The following DOK6 variants were observed in gnomAD, a reference collection of about 807,000 sequenced individuals.
The protein encoded by DOK6 is docking protein 6.
Under a neutral mutation model 44.0 loss-of-function variants are expected in DOK6, and 22 were observed. That is an observed-to-expected ratio of 0.50 (90% CI 0.36 to 0.71). The LOEUF is 0.71. Ranked by LOEUF, DOK6 falls within the 30% of genes least tolerant of loss-of-function variation. DOK6 has a pLI of 0.00. For missense variants in DOK6, 340 were observed against 416.4 expected, an observed-to-expected ratio of 0.82 and a Z score of 1.60; for synonymous variants, 166 against 145.5, an observed-to-expected ratio of 1.14 and a Z score of -1.01.
chr18:69,617,403 T>C (rs1346486065), intron 3 of DOK6, among the ~76,000 whole-genome samples: 2 of 127,248 alleles, frequency 1.6e-5, no homozygotes, highest in African/African-American at 3.0e-5. Flanking sequence ...GAGAAAAGAC[T>C]GAGCGATAGG....
At chr18:69,539,351 G>C (rs1350449527) in intron 1 of DOK6, among the ~76,000 whole-genome samples, 2 of 151,936 alleles carry the variant, frequency 1.3e-5, no homozygotes, top group African/African-American at 4.8e-5. Context: ...CCTGAATTCT[G>C]TAGTGGAAAC....
intron 7 of DOK6, among the ~76,000 whole-genome samples, chr18:69,823,768 G>T (rs1981647416): frequency 6.6e-6 from 1 of 151,886 alleles, no homozygotes; most frequent in Non-Finnish European, 1.5e-5. Context: ...GCTCCCCTGA[G>T]ACCCGTTTGA....
chr18:69,677,370 G>GTA (rs10659444), intron 3 of DOK6, among the ~76,000 whole-genome samples: 17,216 of 149,128 alleles, frequency 0.12, 1,215 homozygotes, highest in South Asian at 0.23. Flanking sequence ...ATATGTGTGT[G>GTA]TATATATATA....
chr18:69,503,429 G>A (rs1454570775), intron 1 of DOK6, among the ~76,000 whole-genome samples: 1 of 151,964 alleles, frequency 6.6e-6, no homozygotes, highest in East Asian at 1.9e-4. Flanking sequence ...AGATTGAGGA[G>A]GAAATAAGAA....
At chr18:69,789,369 C>A (rs1426727038) in intron 7 of DOK6, among the ~76,000 whole-genome samples, 1 of 152,022 alleles carries the variant, frequency 6.6e-6, no homozygotes, top group African/African-American at 2.4e-5. Context: ...AAAATTAATG[C>A]TTGCATTATG....
intron 2 of DOK6, among the ~76,000 whole-genome samples, chr18:69,569,582 A>G (rs1246912116): frequency 2.0e-5 from 3 of 152,254 alleles, no homozygotes; most frequent in Non-Finnish European, 4.4e-5. Flanking sequence ...ACCTGATATG[A>G]TTCAGATTCT....
chr18:69,475,697 T>A (rs1980240442), intron 1 of DOK6, among the ~76,000 whole-genome samples: 1 of 152,200 alleles, frequency 6.6e-6, no homozygotes, highest in African/African-American at 2.4e-5. Context: ...ATAGATATCT[T>A]GAAAAGTCAT....
chr18:69,625,240 G>A (rs936644946), intron 3 of DOK6, among the ~76,000 whole-genome samples: 1 of 152,136 alleles, frequency 6.6e-6, no homozygotes, highest in Admixed American at 6.5e-5. Flanking sequence ...AAGGTGATAA[G>A]TTGGAGTTGT....
intron 2 of DOK6, among the ~76,000 whole-genome samples, chr18:69,575,972 T>C (rs1413847490): frequency 6.6e-6 from 1 of 152,100 alleles, no homozygotes. Flanking sequence ...TTTAAATATT[T>C]TTATGCTCAA....
chr18:69,818,615 G>A (rs936026317), intron 7 of DOK6, among the ~76,000 whole-genome samples: 6 of 152,058 alleles, frequency 3.9e-5, no homozygotes, highest in South Asian at 2.1e-4. Flanking sequence ...TCCTCATAAC[G>A]GACCTTAATC....
At chr18:69,608,615 A>C (rs760201898) in intron 3 of DOK6, among the ~76,000 whole-genome samples, 17 of 152,106 alleles carry the variant, frequency 1.1e-4, no homozygotes, top group Non-Finnish European at 2.1e-4. Context: ...AACAATATTA[A>C]TTTTTCAAAT....
At chr18:69,465,445 ATCCC>A (rs1247297215) in intron 1 of DOK6, among the ~76,000 whole-genome samples, 1 of 151,554 alleles carries the variant, frequency 6.6e-6, no homozygotes, top group African/African-American at 2.4e-5. Flanking sequence ...TCCTAAAGCT[ATCCC>A]TCCCCGCTCC....
chr18:69,795,686 T>C (rs535747349), intron 7 of DOK6, among the ~76,000 whole-genome samples: 82 of 152,306 alleles, frequency 5.4e-4, no homozygotes, highest in African/African-American at 1.9e-3. Context: ...TAAAGTTCGT[T>C]CATGATACAC....
intron 1 of DOK6, among the ~76,000 whole-genome samples, chr18:69,461,538 G>C (rs1979788127): frequency 6.6e-6 from 1 of 151,936 alleles, no homozygotes; most frequent in Non-Finnish European, 1.5e-5. Context: ...ATTCCTCCCA[G>C]CTTTTCTCTG....
At chr18:69,512,039 A>G (rs1599166632) in intron 1 of DOK6, among the ~76,000 whole-genome samples, 2 of 152,206 alleles carry the variant, frequency 1.3e-5, no homozygotes, top group African/African-American at 4.8e-5. Context: ...TGGTGTTTCT[A>G]GTGGATTTCA....
intron 7 of DOK6, among the ~76,000 whole-genome samples, chr18:69,791,283 T>C (rs1452443066): frequency 6.6e-6 from 1 of 152,208 alleles, no homozygotes. Flanking sequence ...GTGGGATTGC[T>C]GGATCATGTG....
chr18:69,588,214 G>C (rs773856753), intron 2 of DOK6, among the ~76,000 whole-genome samples: 6 of 152,152 alleles, frequency 3.9e-5, no homozygotes, highest in Non-Finnish European at 8.8e-5. Flanking sequence ...TCCACTCTAA[G>C]CTTGCTTTAT....
At chr18:69,769,608 A>C (rs1979828309) in intron 7 of DOK6, among the ~76,000 whole-genome samples, 1 of 152,186 alleles carries the variant, frequency 6.6e-6, no homozygotes, top group Non-Finnish European at 1.5e-5. Context: ...CAAAAACAAC[A>C]ACATAAAAAG....
chr18:69,628,463 C>T (rs1984610753), intron 3 of DOK6, among the ~76,000 whole-genome samples: 1 of 151,882 alleles, frequency 6.6e-6, no homozygotes, highest in Admixed American at 6.6e-5. Context: ...GCACTTCAGC[C>T]TGGGTGACAG....
Sources: gnomAD v4.1 joint callset for allele counts (sites outside exome capture counted in the v4.1 genomes callset) on GRCh38, gnomAD v4.1.1 for gene constraint, MANE v1.5 for transcripts, NCBI Gene and HGNC (gene_info 2026-07-23, HGNC 2026-07-21) for gene names.